STX1B: variants seen among roughly 807,000 people sequenced by gnomAD.
The protein encoded by STX1B is syntaxin-1B.
STX1B carries 7 observed loss-of-function variants against 39.4 expected under a neutral mutation model. That is an observed-to-expected ratio of 0.18 (90% confidence interval 0.10 to 0.33). The LOEUF (loss-of-function observed/expected upper bound fraction) is 0.33. STX1B is among the 10% of genes least tolerant of loss of function. The pLI, the probability that STX1B is intolerant of heterozygous loss-of-function variation, is 1.00. For missense variants in STX1B, 198 were observed against 383.2 expected (o/e 0.52, Z 4.04); for synonymous variants, 136 against 144.1 (o/e 0.94, Z 0.40).
intron 1 of STX1B, among the ~76,000 whole-genome samples, chr16:31,009,493 G>C (rs2056670482): frequency 6.6e-6 from 1 of 151,842 alleles, no homozygotes; most frequent in African/African-American, 2.4e-5. Flanking sequence ...CGGGCCCCAG[G>C]TCATTTCTCC....
rs761257524 is a variant in STX1B, at chr16:30,996,698, G to A, written c.522C>T (p.Ala174=). 2.5e-6 allele frequency: 4 copies of A among 1,613,964 alleles called. No homozygotes were observed. In the East Asian group the frequency reaches 6.7e-5, roughly 27 times the overall value. The change falls in exon 7 of 10, where the codon GCC becomes GCT. Residue 174 remains alanine, a synonymous_variant. Coordinates refer to ENST00000215095, the MANE Select transcript of STX1B (RefSeq NM_052874.5). ...CGCGGCTCACGTCATCTGTGAAGATGGCCAGCTTCCCGCTCTCCAGCATGT... is the reference window on the plus strand; with the variant it reads ...CGCGGCTCACGTCATCTGTGAAGATAGCCAGCTTCCCGCTCTCCAGCATGT... The part of the protein sequence containing the change: ...LEDMLESGKL[A]IFTDDIKMDS...
rs752841960 is a variant in STX1B at position 31,001,021 on chromosome 16, C to T, written c.206-19G>A. On this transcript the variant is annotated intron_variant, in intron 3 of 9. Transcript: ENST00000215095. The surrounding 1 kb of genome is among the most constrained non-coding windows in gnomAD (Gnocchi z 5.5). ...TTGGTCTCTGAGGGGAGGGCGAGGG[C>T]AAGTGAGATGTCTGGGTGGGAACCC... 6.2e-7 allele frequency: 1 copy of T among 1,614,130 alleles called. No homozygotes were observed. Among genetic ancestry groups the T allele is most frequent in the Non-Finnish European group, 8.5e-7 (1 of 1,179,980 alleles).
rs771818065 is a variant in STX1B, at chr16:30,992,916, G to A, written c.787-15C>T. 1 of 1,610,500 alleles carries A rather than the reference G, an allele frequency of 6.2e-7. No individual in the cohort carries two copies. Among genetic ancestry groups the A allele is most frequent in the Admixed American group, 1.7e-5 (1 of 59,986 alleles). On this transcript the variant is annotated splice_polypyrimidine_tract_variant and intron_variant, in intron 9 of 9. Transcript: ENST00000215095. ...ATGATTTTCTTCTGCAGCAGAAAGA[G>A]GAGTGAGACAGGCAGACAGTGAGAG...
At chr16:30,996,787 GC>G (rs1567377999) in intron 6 of STX1B, 31 bp from the exon 7 acceptor site, 1 of 1,612,350 alleles carries the variant, frequency 6.2e-7, no homozygotes, top group Non-Finnish European at 8.5e-7. Flanking sequence ...CTGCTCGGGG[GC>G]TGGGACAGCC....
chr16:30,999,057 C>T (rs565536339), intron 4 of STX1B, among the ~76,000 whole-genome samples: 1 of 152,270 alleles, frequency 6.6e-6, no homozygotes, highest in Admixed American at 6.5e-5. Flanking sequence ...CCTCCACCCC[C>T]CACCCCCAAA....
At chr16:31,004,203 T>C (rs1327368283) in intron 1 of STX1B, among the ~76,000 whole-genome samples, 1 of 152,276 alleles carries the variant, frequency 6.6e-6, no homozygotes, top group Non-Finnish European at 1.5e-5. Context: ...ATTAGGACTC[T>C]GTAAGGACCA....
chr16:30,994,182 C>T (rs772252176), intron 7 of STX1B, among the ~76,000 whole-genome samples: 7 of 151,524 alleles, frequency 4.6e-5, no homozygotes, highest in Non-Finnish European at 7.4e-5. Context: ...GTTTCAGCAA[C>T]TTGGGAGTCT....
chr16:31,003,966 T>C (rs1357604269), intron 1 of STX1B, among the ~76,000 whole-genome samples: 1 of 152,180 alleles, frequency 6.6e-6, no homozygotes, highest in African/African-American at 2.4e-5. Flanking sequence ...CCAGGCCACA[T>C]AGGGCCAGAA....
chr16:31,001,642 C>T lies in STX1B; in HGVS notation c.31-39G>A. 7 of 1,563,498 alleles carry T rather than the reference C, an allele frequency of 4.5e-6. No individual in the cohort carries two copies. The highest frequency in any genetic ancestry group is 6.1e-6 in the Non-Finnish European group (7 of 1,141,290). ...AGGCTGAGTCCATGAGCAGGCCCTA[C>T]CTGGGTCCCCAAGGCTGGCTCTCCA... On this transcript the variant is annotated intron_variant, in intron 1 of 9. Coordinates refer to ENST00000215095, the MANE Select transcript of STX1B (RefSeq NM_052874.5). The surrounding 1 kb of genome is among the most constrained non-coding windows in gnomAD (Gnocchi z 5.5).
chr16:31,009,712 C>T (rs1203529654), intron 1 of STX1B, among the ~76,000 whole-genome samples: 1 of 151,688 alleles, frequency 6.6e-6, no homozygotes, highest in Non-Finnish European at 1.5e-5. Context: ...CCAGTTCCCC[C>T]AAGCAGAGCA....
rs925240364 is a variant in STX1B, at chr16:30,990,295, A to T, written c.*2526T>A. 3 of 152,204 alleles carry T rather than the reference A, an allele frequency of 2.0e-5. No individual in the cohort carries two copies. Among genetic ancestry groups the T allele is most frequent in the African/African-American group, 7.2e-5 (3 of 41,432 alleles). 9.4% of individuals were successfully genotyped at this position (152,204 alleles called of 1,614,324 possible). A position where few individuals can be genotyped will look rare whatever the true frequency, so the allele number is the denominator to read the frequency against. ...TCTGATGTCTCCCAAGCAGCCCGAG[A>T]TGGGAGCAGGAGGGCCGTGGCCAGA... On this transcript the variant is annotated 3_prime_UTR_variant, in exon 10 of 10. Coordinates refer to ENST00000215095, the MANE Select transcript of STX1B (RefSeq NM_052874.5).
intron 7 of STX1B, among the ~76,000 whole-genome samples, chr16:30,994,892 C>CTTTTTTT (rs10524041): frequency 0.32 from 29,506 of 93,658 alleles, 3,190 homozygotes; most frequent in East Asian, 0.56. Context: ...GTCTCCCCGT[C>CTTTTTTT]TTTTTTTTTT....
At position 30,990,120 on chromosome 16, in the gene STX1B, C is replaced by T; in HGVS notation, c.*2701G>A. 6.6e-6 allele frequency: 1 copy of T among 152,416 alleles called. No homozygotes were observed. The allele number at this position is 152,416 out of a possible 1,614,324, so 9.4% of individuals were successfully genotyped here. On this transcript the variant is annotated 3_prime_UTR_variant, in exon 10 of 10. Transcript: ENST00000215095. ...GCCCAGAGATGGGCAGCTGTGGGCC[C>T]AATGCCACTCCAGGTGGGGGGAGTG...
rs924957778 is a variant in STX1B at position 31,004,510 on chromosome 16, C to T, written c.31-2907G>A. ...GCAACATAGCAAGATCATGTCTCTA[C>T]AAAAAATACAAAAATTAGCTGGGCA... On this transcript the variant is annotated intron_variant, in intron 1 of 9. Transcript: ENST00000215095. Among the ~76,000 whole-genome samples, 18 of 151,936 alleles carry T rather than the reference C, an allele frequency of 1.2e-4. 1 individual carries two copies. The highest frequency in any genetic ancestry group is 1.2e-3 in the Admixed American group (18 of 15,244).
Position 30,992,917 on chromosome 16 carries a change from G to A in STX1B, c.787-16C>T, listed in dbSNP as rs1054216072. 2 of 1,607,756 alleles carry A rather than the reference G, an allele frequency of 1.2e-6. No homozygotes were observed. Among genetic ancestry groups the A allele is most frequent in the Non-Finnish European group, 1.7e-6 (2 of 1,174,536 alleles). On this transcript the variant is annotated splice_polypyrimidine_tract_variant and intron_variant, in intron 9 of 9. Transcript: ENST00000215095. The stretch of plus-strand genomic sequence containing the variant: ...TGATTTTCTTCTGCAGCAGAAAGAG[G>A]AGTGAGACAGGCAGACAGTGAGAGA...
At chr16:30,997,661 C>T in intron 4 of STX1B, 86 bp from the exon 5 acceptor site, 1 of 1,303,874 alleles carries the variant, frequency 7.7e-7, no homozygotes, top group African/African-American at 1.5e-5. Flanking sequence ...CAACACCCCG[C>T]GGCAGCGCCA....
chr16:30,993,561 C>A (rs1017154694), intron 7 of STX1B, 77 bp from the exon 8 acceptor site: 7 of 1,547,016 alleles, frequency 4.5e-6, no homozygotes, highest in East Asian at 2.3e-5. Context: ...TGGCCAGGGT[C>A]AAATCCGGTG....
At position 30,992,647 on chromosome 16, in the gene STX1B, G is replaced by C. The variant is rs191289798; in HGVS notation, c.*174C>G. 16 of 517,946 alleles carry C rather than the reference G, an allele frequency of 3.1e-5. No individual in the cohort carries two copies. The East Asian group carries it at 3.3e-4, about 11-fold the overall frequency. 32.1% of individuals were successfully genotyped at this position (517,946 alleles called of 1,614,324 possible). Reference sequence around the variant, plus strand: ...TGCGATCTACGTGCGGGGACGGGGGGGGGGTCCATGGCCCGGTGAGGTCCA... The same window carrying C: ...TGCGATCTACGTGCGGGGACGGGGGCGGGGTCCATGGCCCGGTGAGGTCCA... On this transcript the variant is annotated 3_prime_UTR_variant, in exon 10 of 10. Transcript: ENST00000215095.
intron 9 of STX1B, 53 bp downstream of exon 9, chr16:30,993,077 C>G: frequency 1.9e-6 from 3 of 1,563,984 alleles, no homozygotes; most frequent in Non-Finnish European, 2.6e-6. Flanking sequence ...CACCTCAGCC[C>G]GGGCTCAGCC....
Sources: allele counts gnomAD v4.1 joint callset (sites outside exome capture counted in the v4.1 genomes callset), GRCh38; gene constraint gnomAD v4.1.1; non-coding constraint Gnocchi (gnomAD v3.1); transcripts MANE v1.5; gene names NCBI Gene and HGNC (gene_info 2026-07-23, HGNC 2026-07-21).